TMEM182: variants seen among roughly 807,000 people sequenced by gnomAD.
TMEM182 encodes the protein transmembrane protein 182.
TMEM182 carries 20 observed loss-of-function variants against 26.8 expected under a neutral mutation model. The observed-to-expected ratio is 0.75, with a 90% CI of 0.53 to 1.09. The LOEUF is 1.09. Ranked by LOEUF, TMEM182 falls within the 50% of genes least tolerant of loss-of-function variation. The pLI is 0.00. For synonymous variants in TMEM182, 109 were observed against 102.2 expected, an observed-to-expected ratio of 1.07 and a Z score of -0.40; for missense variants, 277 against 275.5, an observed-to-expected ratio of 1.01 and a Z score of -0.04.
chr2:102,756,540 T>C (rs57274940), intron 1 of TMEM182, among the ~76,000 whole-genome samples: 2,253 of 149,718 alleles, frequency 0.015, 59 homozygotes, highest in African/African-American at 0.051. Flanking sequence ...AAGCCCCATC[T>C]CTACTAAAAA....
rs570857885 is a variant in TMEM182, at chr2:102,798,688, A to G, written c.469+688A>G. ...ACCCTGTTTCTACTAAAAATACAAA[A>G]AAATTAGCCAGGCGTGGTGGCATGT... is the stretch of plus-strand genomic sequence containing the variant. On this transcript the variant is annotated intron_variant, in intron 4 of 4. Transcript: ENST00000412401. 3.3e-5 allele frequency among the ~76,000 whole-genome samples: 5 copies of G among 152,124 alleles called. No homozygotes were observed. The East Asian group carries it at 9.7e-4, about 30-fold the overall frequency.
At chr2:102,743,393 G>T in intron 1 of TMEM182, among the ~76,000 whole-genome samples, 1 of 152,152 alleles carries the variant, frequency 6.6e-6, no homozygotes, top group Non-Finnish European at 1.5e-5. Context: ...AGCTACTCGG[G>T]AGGCAGAGGT....
intron 3 of TMEM182, among the ~76,000 whole-genome samples, chr2:102,837,471 G>A (rs1573582608): frequency 6.6e-6 from 1 of 150,382 alleles, no homozygotes; most frequent in Non-Finnish European, 1.5e-5. Context: ...TCTTGAAACT[G>A]ATGGCAGAGT....
intron 3 of TMEM182, among the ~76,000 whole-genome samples, chr2:102,822,796 C>T (rs1326580364): frequency 6.6e-6 from 1 of 152,050 alleles, no homozygotes; most frequent in Admixed American, 6.6e-5. Context: ...AGCCTGCCAG[C>T]GTATGTGTGG....
downstream of TMEM182, among the ~76,000 whole-genome samples, chr2:102,818,214 T>C (rs1682815922): frequency 6.6e-6 from 1 of 152,198 alleles, no homozygotes; most frequent in Non-Finnish European, 1.5e-5. Flanking sequence ...GAAAACTACA[T>C]TTTTATTGAT....
At chr2:102,767,171 G>A (rs551643096) in intron 3 of TMEM182, among the ~76,000 whole-genome samples, 1 of 152,236 alleles carries the variant, frequency 6.6e-6, no homozygotes. Context: ...ACTTACATTG[G>A]CTCTTTCTAC....
intron 4 of TMEM182, among the ~76,000 whole-genome samples, chr2:102,803,239 A>G (rs57504557): frequency 0.038 from 5,826 of 152,270 alleles, 375 homozygotes; most frequent in African/African-American, 0.13. Context: ...ACAGCTCACA[A>G]GTTATTGCCT....
At chr2:102,759,151 T>C (rs188640793), upstream of TMEM182, among the ~76,000 whole-genome samples, 1 of 152,282 alleles carries the variant, frequency 6.6e-6, no homozygotes, top group Non-Finnish European at 1.5e-5. Flanking sequence ...TTAAAAAAAA[T>C]CTACTTTTAT....
chr2:102,737,608 G>T (rs533373305), intron 1 of TMEM182, among the ~76,000 whole-genome samples: 4 of 152,310 alleles, frequency 2.6e-5, no homozygotes, highest in African/African-American at 7.2e-5. Flanking sequence ...ATGTGTGGCT[G>T]AAACTTCCTC....
At chr2:102,782,071 C>A (rs959890831) in intron 3 of TMEM182, among the ~76,000 whole-genome samples, 5 of 152,018 alleles carry the variant, frequency 3.3e-5, no homozygotes, top group African/African-American at 1.2e-4. Flanking sequence ...TTTGGGAGGC[C>A]GAGGCAGGTG....
chr2:102,823,581 C>G (rs534206779), intron 3 of TMEM182, among the ~76,000 whole-genome samples: 1 of 152,260 alleles, frequency 6.6e-6, no homozygotes, highest in East Asian at 1.9e-4. Flanking sequence ...GATCCGCCCA[C>G]CTCGGCCTCC....
chr2:102,762,432 G>A, intron 1 of TMEM182, 83 bp downstream of exon 1: 1 of 1,576,008 alleles, frequency 6.3e-7, no homozygotes. Flanking sequence ...GAGAATAGTA[G>A]TGGAGTGTCT....
upstream of TMEM182, among the ~76,000 whole-genome samples, chr2:102,757,061 C>A (rs186983351): frequency 6.6e-6 from 1 of 152,070 alleles, no homozygotes; most frequent in Non-Finnish European, 1.5e-5. Flanking sequence ...CCACCTGCCT[C>A]GGCCTCCCAA....
At chr2:102,780,049 A>AT (rs779455881) in intron 3 of TMEM182, among the ~76,000 whole-genome samples, 7,426 of 140,184 alleles carry the variant, frequency 0.053, 233 homozygotes, top group East Asian at 0.11. Context: ...GCCATTGAAG[A>AT]TTTTTTTTTT....
intron 1 of TMEM182, among the ~76,000 whole-genome samples, chr2:102,752,932 A>C (rs904310227): frequency 6.6e-6 from 1 of 152,252 alleles, no homozygotes; most frequent in Admixed American, 6.5e-5. Context: ...CTTCTGGCTT[A>C]TGAAATGTAA....
At chr2:102,819,504 G>A (rs369853226), downstream of TMEM182, among the ~76,000 whole-genome samples, 1 of 152,122 alleles carries the variant, frequency 6.6e-6, no homozygotes, top group Non-Finnish European at 1.5e-5. Context: ...ACCTAGGCAT[G>A]TATATGTATA....
intron 4 of TMEM182, among the ~76,000 whole-genome samples, chr2:102,811,066 A>AC (rs1215395759): frequency 6.6e-6 from 1 of 151,354 alleles, no homozygotes; most frequent in Non-Finnish European, 1.5e-5. Context: ...AGCAAAAAAA[A>AC]AAAAAAAAAA....
intron 4 of TMEM182, among the ~76,000 whole-genome samples, chr2:102,798,788 C>T (rs1338743511): frequency 2.6e-5 from 4 of 151,742 alleles, no homozygotes; most frequent in Admixed American, 1.3e-4. Context: ...TTGCATTGAG[C>T]GAGATTGTGC....
rs1231685926 is a variant in TMEM182 at position 102,816,133 on chromosome 2, A to G, written c.*1165A>G. ...GTAGCATAGACATTTTGCATATCAA[A>G]GATGTTCATTTGGCACTAATGTTGA... On this transcript the variant is annotated 3_prime_UTR_variant, in exon 5 of 5. Transcript: ENST00000412401. 1.0e-6 allele frequency: 1 copy of G among 985,312 alleles called. No homozygotes were observed. The highest frequency in any genetic ancestry group is 1.2e-6 in the Non-Finnish European group (1 of 829,952). 61.0% of individuals were successfully genotyped at this position (985,312 alleles called of 1,614,324 possible).
Sources: gnomAD v4.1 joint callset for allele counts (sites outside exome capture counted in the v4.1 genomes callset) on GRCh38, gnomAD v4.1.1 for gene constraint, MANE v1.5 for transcripts, NCBI Gene and HGNC (gene_info 2026-07-23, HGNC 2026-07-21) for gene names.